The following MAP2K1 variants were observed in gnomAD, a reference collection of about 807,000 sequenced individuals.
MAP2K1 encodes dual specificity mitogen-activated protein kinase kinase 1.
MAP2K1 carries 16 observed loss-of-function variants against 46.3 expected under a neutral mutation model. The ratio of observed to expected loss-of-function variants is 0.35; its 90% CI spans 0.23 to 0.52. MAP2K1 has a LOEUF of 0.52. Among genes scored for constraint, MAP2K1 ranks in the 20% least tolerant of loss-of-function variants. The probability of loss-of-function intolerance (pLI) is 0.94; values close to 1 mark genes in which losing one functional copy is unlikely to be tolerated. For missense variants in MAP2K1, 263 were observed against 497.1 expected (o/e 0.53, Z 4.48); for synonymous variants, 183 against 185.6 (o/e 0.99, Z 0.11).
chr15:66,431,068 C>T (rs1162654282), intron 1 of MAP2K1, among the ~76,000 whole-genome samples: 3 of 152,128 alleles, frequency 2.0e-5, no homozygotes, highest in African/African-American at 7.2e-5. Context: ...CAGCTGGTCC[C>T]TGGAGAGAGG....
At chr15:66,487,168 C>A in intron 7 of MAP2K1, 60 bp from the exon 8 acceptor site, 2 of 1,437,942 alleles carry the variant, frequency 1.4e-6, no homozygotes, top group South Asian at 1.1e-5. Context: ...CAACCCCTTG[C>A]CTCATATTAA....
chr15:66,388,844 T>C (rs992527934), intron 1 of MAP2K1, among the ~76,000 whole-genome samples: 3 of 152,170 alleles, frequency 2.0e-5, no homozygotes, highest in Non-Finnish European at 2.9e-5. Context: ...GGGGTCTATT[T>C]TGCATAATAC....
intron 5 of MAP2K1, among the ~76,000 whole-genome samples, chr15:66,459,583 AC>A (rs981738049): frequency 4.0e-5 from 6 of 150,068 alleles, no homozygotes; most frequent in African/African-American, 1.5e-4. Flanking sequence ...ACACCACTGC[AC>A]TCCAGTCTGG....
intron 1 of MAP2K1, among the ~76,000 whole-genome samples, chr15:66,408,419 C>T (rs80044153): frequency 0.012 from 1,890 of 152,270 alleles, 31 homozygotes; most frequent in African/African-American, 0.042. Context: ...ACAGTACATC[C>T]CAATATAGAC....
In MAP2K1 at chr15:66,487,140, G is replaced by A. The variant is rs557122939; in HGVS notation, c.896-88G>A. On this transcript the variant is annotated intron_variant, in intron 7 of 10. Coordinates refer to ENST00000307102, the MANE Select transcript of MAP2K1 (RefSeq NM_002755.4). ...GTTTATTGTCCATGACCCTGTTCTG[G>A]TCCCAGGGATCCATGCCCAACCCCT... 2.8e-5 allele frequency: 30 copies of A among 1,074,786 alleles called. No homozygotes were observed. The South Asian group carries it at 3.8e-4, about 13-fold the overall frequency. 66.6% of individuals were successfully genotyped at this position (1,074,786 alleles called of 1,614,324 possible). A position where few individuals can be genotyped will look rare whatever the true frequency, so the allele number is the denominator to read the frequency against.
chr15:66,488,322 A>G (rs1287890280), intron 8 of MAP2K1, among the ~76,000 whole-genome samples: 3 of 152,214 alleles, frequency 2.0e-5, no homozygotes, highest in Non-Finnish European at 4.4e-5. Context: ...GTCCTCACCT[A>G]AGATCAGACT....
chr15:66,425,179 G>C (rs986535434), intron 1 of MAP2K1, among the ~76,000 whole-genome samples: 1 of 152,152 alleles, frequency 6.6e-6, no homozygotes. Context: ...CCTGTGTATG[G>C]CAGCCAGACT....
intron 1 of MAP2K1, among the ~76,000 whole-genome samples, chr15:66,421,727 A>G (rs2093444048): frequency 6.6e-6 from 1 of 150,954 alleles, no homozygotes; most frequent in Admixed American, 6.6e-5. Flanking sequence ...TTGAACCAGG[A>G]GGTGGAGGTT....
At chr15:66,469,084 C>T (rs1054711330) in intron 5 of MAP2K1, among the ~76,000 whole-genome samples, 1 of 151,800 alleles carries the variant, frequency 6.6e-6, no homozygotes, top group Non-Finnish European at 1.5e-5. Flanking sequence ...GGTGAAACCC[C>T]GTCTCTACTA....
chr15:66,420,817 GTATATA>G lies in MAP2K1; in HGVS notation c.81-14204_81-14199del, dbSNP rs1221728903. ...TGTATATATATGTGTATATATATGT[GTATATA>G]TATATGTGTATATATATGTGTGTAT... On this transcript the variant is annotated intron_variant, in intron 1 of 10. Transcript: ENST00000307102. Among the ~76,000 whole-genome samples, 15 of 94,730 alleles carry G rather than the reference GTATATA, an allele frequency of 1.6e-4. 1 individual carries two copies. Among genetic ancestry groups the G allele is most frequent in the Non-Finnish European group, 2.3e-4 (10 of 42,992 alleles). 62.1% of individuals were successfully genotyped at this position (94,730 alleles called of 152,430 possible).
rs58831070 is a variant in MAP2K1, at chr15:66,392,255, G to GT, written c.80+4852dup. 7.1e-4 allele frequency among the ~76,000 whole-genome samples: 69 copies of GT among 97,768 alleles called. 1 individual carries two copies. Among genetic ancestry groups the GT allele is most frequent in the African/African-American group, 3.1e-3 (68 of 22,058 alleles). 64.1% of individuals were successfully genotyped at this position (97,768 alleles called of 152,430 possible). A position where few individuals can be genotyped will look rare whatever the true frequency, so the allele number is the denominator to read the frequency against. ...ACGAATATTTGTGTGTTTTTTTTGG[G>GT]TTTTTTTTTTTTTTTTTTTTTTTTA... On this transcript the variant is annotated intron_variant, in intron 1 of 10. Coordinates refer to ENST00000307102, the MANE Select transcript of MAP2K1 (RefSeq NM_002755.4).
chr15:66,389,143 TG>T (rs2140514253), intron 1 of MAP2K1, among the ~76,000 whole-genome samples: 1 of 152,200 alleles, frequency 6.6e-6, no homozygotes, highest in Admixed American at 6.5e-5. Flanking sequence ...CGTCCTCAGG[TG>T]ATCCACCTGC....
chr15:66,489,350 C>A lies in MAP2K1; in HGVS notation c.1022+74C>A, dbSNP rs1474781071. 4.4e-6 allele frequency: 6 copies of A among 1,359,478 alleles called. No homozygotes were observed. The African/African-American group carries it at 7.1e-5, about 16-fold the overall frequency. The allele number at this position is 1,359,478 out of a possible 1,614,324, so 84.2% of individuals were successfully genotyped here. ...GCTCCCCACCCCATTTCTGGAAGCA[C>A]CAGCATTGCTTCTGCAGGCAGAGTT... On this transcript the variant is annotated intron_variant, in intron 9 of 10. Transcript: ENST00000307102.
rs2093342615 is a variant in MAP2K1 at position 66,387,083 on chromosome 15, CGTTCAGCCCGCTCCGCTCCTGCA to C, written c.-263_-241del. 3.3e-5 allele frequency: 13 copies of C among 395,188 alleles called. No homozygotes were observed. The highest frequency in any genetic ancestry group is 6.5e-4 in the Middle Eastern group (1 of 1,536). The allele number at this position is 395,188 out of a possible 1,614,324, so 24.5% of individuals were successfully genotyped here. ...GGGAATCCCGGGCTGCCGAACCGCA[CGTTCAGCCCGCTCCGCTCCTGCA>C]GGGCAGCCTTTCGGCTCTCTGCGCG... On this transcript the variant is annotated 5_prime_UTR_variant, in exon 1 of 11. Coordinates refer to ENST00000307102, the MANE Select transcript of MAP2K1 (RefSeq NM_002755.4).
At position 66,395,200 on chromosome 15, in the gene MAP2K1, A is replaced by G. The variant is rs1566994394; in HGVS notation, c.80+7773A>G. 2.0e-5 allele frequency among the ~76,000 whole-genome samples: 3 copies of G among 152,346 alleles called. No homozygotes were observed. The South Asian group carries it at 6.2e-4, about 32-fold the overall frequency. On this transcript the variant is annotated intron_variant, in intron 1 of 10. Coordinates refer to ENST00000307102, the MANE Select transcript of MAP2K1 (RefSeq NM_002755.4). The stretch of plus-strand genomic sequence containing the variant: ...TACTGTGTTTTTTCCTATGCAGTAT[A>G]TGCCTATGATGAAGTTTAATTTATA...
chr15:66,486,611 T>C (rs1046912397), intron 7 of MAP2K1, among the ~76,000 whole-genome samples: 31 of 152,156 alleles, frequency 2.0e-4, no homozygotes, highest in Admixed American at 1.4e-3. Flanking sequence ...CCTGCCTCTC[T>C]GAATGTGAAT....
chr15:66,410,615 A>T (rs2041809605), intron 1 of MAP2K1, among the ~76,000 whole-genome samples: 1 of 151,206 alleles, frequency 6.6e-6, no homozygotes, highest in African/African-American at 2.4e-5. Flanking sequence ...CCAAGTCTAG[A>T]ACTTGAAAAA....
intron 1 of MAP2K1, among the ~76,000 whole-genome samples, chr15:66,389,341 T>G (rs1445209361): frequency 6.6e-6 from 1 of 152,238 alleles, no homozygotes; most frequent in Non-Finnish European, 1.5e-5. Context: ...CTATTTGATT[T>G]GGAAGTGGAT....
At chr15:66,444,281 C>G (rs551995803) in intron 4 of MAP2K1, among the ~76,000 whole-genome samples, 1 of 149,842 alleles carries the variant, frequency 6.7e-6, no homozygotes, top group Non-Finnish European at 1.5e-5. Context: ...CACCTGTAAT[C>G]CCAGCACTTT....
Sources: allele counts gnomAD v4.1 joint callset (sites outside exome capture counted in the v4.1 genomes callset), GRCh38; gene constraint gnomAD v4.1.1; transcripts MANE v1.5; gene names NCBI Gene and HGNC (gene_info 2026-07-23, HGNC 2026-07-21).